ARSG: variants seen among roughly 807,000 people sequenced by gnomAD.
The protein encoded by ARSG is ASG.
ARSG carries 37 observed loss-of-function variants against 50.5 expected under a neutral mutation model. The ratio of observed to expected loss-of-function variants is 0.73; its 90% CI spans 0.56 to 0.96. The LOEUF (loss-of-function observed/expected upper bound fraction) is 0.96, where lower values mean the gene tolerates loss of function less well. ARSG is among the 50% of genes least tolerant of loss of function. The pLI, the probability that ARSG is intolerant of heterozygous loss-of-function variation, is 0.00. For synonymous variants in ARSG, 225 were observed against 254.6 expected (o/e 0.88, Z 1.11); for missense variants, 629 against 675.3 (o/e 0.93, Z 0.76).
chr17:68,441,517 A>G, the ARSG span, among the ~76,000 whole-genome samples: 1 of 152,216 alleles, frequency 6.6e-6, no homozygotes, highest in Non-Finnish European at 1.5e-5. Flanking sequence ...GAGGATGAGA[A>G]CAGATAAGGC....
rs1555748968 is a variant in ARSG at position 68,271,723 on chromosome 17, A to C, written c.-552+12297A>C. On this transcript the variant is annotated intron_variant, in intron 1 of 11. Coordinates refer to the ARSG transcript ENST00000448504. The surrounding 1 kb of genome is among the most constrained non-coding windows in gnomAD (Gnocchi z 5.3). ...ATGGACTCAAGACCCAGGAGAAGCC[A>C]TCAAGAAGAAATATGGATCCAGATT... 1 of 1,258,006 alleles carries C rather than the reference A, an allele frequency of 7.9e-7. No homozygotes were observed. Among genetic ancestry groups the C allele is most frequent in the Non-Finnish European group, 1.1e-6 (1 of 905,096 alleles). The allele number at this position is 1,258,006 out of a possible 1,614,324, so 77.9% of individuals were successfully genotyped here.
At chr17:68,357,619 A>G (rs1409326689) in intron 6 of ARSG, among the ~76,000 whole-genome samples, 2 of 152,198 alleles carry the variant, frequency 1.3e-5, no homozygotes, top group East Asian at 3.9e-4. Flanking sequence ...TTTGGGAGCT[A>G]TCCTTCATTC....
At chr17:68,401,202 T>C in intron 10 of ARSG, 158 bp from the exon 11 acceptor site, 1 of 634,640 alleles carries the variant, frequency 1.6e-6, no homozygotes, top group South Asian at 1.8e-5. Flanking sequence ...TTTGTATTTT[T>C]TTGTAGGGAG....
chr17:68,276,330 A>C (rs1219677975), intron 1 of ARSG, among the ~76,000 whole-genome samples: 1 of 152,212 alleles, frequency 6.6e-6, no homozygotes, highest in African/African-American at 2.4e-5. Context: ...TCTATGGCTA[A>C]AAATGGACTA....
intron 8 of ARSG, among the ~76,000 whole-genome samples, chr17:68,379,559 C>T (rs924785468): frequency 2.1e-4 from 31 of 149,228 alleles, no homozygotes; most frequent in Non-Finnish European, 3.7e-4. Context: ...GTTACAAGTG[C>T]GAGCCACTGC....
At chr17:68,297,293 C>T (rs1935136644) in intron 1 of ARSG, among the ~76,000 whole-genome samples, 1 of 152,224 alleles carries the variant, frequency 6.6e-6, no homozygotes, top group African/African-American at 2.4e-5. Flanking sequence ...TGCTGGAAGG[C>T]AGCATACTCC....
chr17:68,356,862 C>A (rs1244324788), intron 6 of ARSG, 58 bp downstream of exon 6: 1 of 1,607,888 alleles, frequency 6.2e-7, no homozygotes, highest in Non-Finnish European at 8.5e-7. Context: ...CCCGTGCACA[C>A]ACACCATGTC....
upstream of ARSG, among the ~76,000 whole-genome samples, chr17:68,289,165 G>A (rs186481845): frequency 9.6e-4 from 146 of 152,258 alleles, 1 homozygote; most frequent in Middle Eastern, 0.01. Context: ...GGGCAACATA[G>A]TGAGGCTGTG....
intron 2 of ARSG, among the ~76,000 whole-genome samples, chr17:68,333,164 A>G (rs1476497636): frequency 2.0e-5 from 3 of 151,904 alleles, no homozygotes; most frequent in Non-Finnish European, 4.4e-5. Flanking sequence ...CAACAACAAC[A>G]ACAAAAAATT....
intron 9 of ARSG, among the ~76,000 whole-genome samples, chr17:68,391,574 G>A (rs575553851): frequency 6.6e-6 from 1 of 152,300 alleles, no homozygotes; most frequent in African/African-American, 2.4e-5. Context: ...AAAATCGAAC[G>A]CAGATCCTGT....
chr17:68,343,433 A>G (rs971642827), intron 2 of ARSG, among the ~76,000 whole-genome samples, 171 bp from the exon 3 acceptor site: 1 of 152,220 alleles, frequency 6.6e-6, no homozygotes, highest in Non-Finnish European at 1.5e-5. Context: ...TTGGGATTAC[A>G]GGGGTGAGCC....
chr17:68,371,236 C>T (rs553487105), intron 8 of ARSG, among the ~76,000 whole-genome samples: 93 of 144,716 alleles, frequency 6.4e-4, no homozygotes, highest in African/African-American at 2.2e-3. Flanking sequence ...AGGAGAATGG[C>T]GTGAACCTGG....
the ARSG span, chr17:68,428,238 T>TA: frequency 3.3e-5 from 5 of 151,656 alleles, no homozygotes; most frequent in African/African-American, 1.2e-4. Context: ...GTTTTTTTTT[T>TA]TTTTTATTTT....
At chr17:68,296,614 C>T (rs1471045344) in intron 1 of ARSG, among the ~76,000 whole-genome samples, 3 of 152,158 alleles carry the variant, frequency 2.0e-5, no homozygotes, top group African/African-American at 7.2e-5. Flanking sequence ...CACAGCAGGA[C>T]TGGGTCCAGG....
chr17:68,294,174 CCT>C (rs1261974128), intron 1 of ARSG, among the ~76,000 whole-genome samples: 2 of 152,144 alleles, frequency 1.3e-5, no homozygotes, highest in Non-Finnish European at 2.9e-5. Context: ...GGCAGAGCCC[CCT>C]CTCGGCTTTC....
chr17:68,274,214 C>T, intron 1 of ARSG: 1 of 810,350 alleles, frequency 1.2e-6, no homozygotes, highest in Non-Finnish European at 1.9e-6. Flanking sequence ...GCCTGTAATC[C>T]CAGCACTTTG....
chr17:68,351,604 A>G lies in ARSG; in HGVS notation c.484A>G (p.Ser162Gly), dbSNP rs1318536732. The G allele has an allele frequency of 1.2e-6, 2 of 1,613,210 alleles. No individual in the cohort carries two copies. Among genetic ancestry groups the G allele is most frequent in the Non-Finnish European group, 1.7e-6 (2 of 1,179,216 alleles). Residue 162 changes from serine to glycine, a missense_variant, in exon 5 of 12, where the codon AGC (serine) becomes GGC (glycine). Physicochemically the swap from Ser to Gly is moderately conservative, Grantham distance 56. Transcript: ENST00000621439. ...GFDYYFGIPYSHDMGCTDTPG... is the reference protein window; with the variant it reads ...GFDYYFGIPYGHDMGCTDTPG... The stretch of plus-strand genomic sequence containing the variant: ...TGATTACTACTTTGGAATCCCATAT[A>G]GCCATGATATGGGCTGTACTGATAC...
intron 1 of ARSG, among the ~76,000 whole-genome samples, chr17:68,276,017 C>T (rs1555750788): frequency 1.3e-5 from 2 of 150,442 alleles, no homozygotes; most frequent in Non-Finnish European, 3.0e-5. Flanking sequence ...TTGATACTCA[C>T]TTAAAATAGA....
At chr17:68,309,893 T>TAAAG (rs150848202) in intron 2 of ARSG, among the ~76,000 whole-genome samples, 1 of 150,710 alleles carries the variant, frequency 6.6e-6, no homozygotes, top group Admixed American at 6.6e-5. Context: ...AGTAAATAAA[T>TAAAG]AAAGAAAGAA....
Sources: gnomAD v4.1 joint callset for allele counts (sites outside exome capture counted in the v4.1 genomes callset) on GRCh38, gnomAD v4.1.1 for gene constraint, Gnocchi (gnomAD v3.1) non-coding constraint, MANE v1.5 for transcripts, NCBI Gene and HGNC (gene_info 2026-07-23, HGNC 2026-07-21) for gene names.